The following CD6 variants were observed in gnomAD, a reference collection of about 807,000 sequenced individuals.
CD6 encodes the protein CD6 molecule, also known as T-cell differentiation antigen CD6.
Under a neutral mutation model 75.3 loss-of-function variants are expected in CD6, and 53 were observed. That is an observed-to-expected ratio of 0.70 (90% CI 0.56 to 0.88). The LOEUF is 0.88. Ranked by LOEUF, CD6 falls within the 40% of genes least tolerant of loss-of-function variation. The pLI is 0.00. For synonymous variants in CD6, 359 were observed against 381.5 expected, an observed-to-expected ratio of 0.94 and a Z score of 0.69; for missense variants, 770 against 897.1, an observed-to-expected ratio of 0.86 and a Z score of 1.81.
chr11:60,974,633 G>C (rs1857301929), intron 1 of CD6, among the ~76,000 whole-genome samples: 1 of 152,192 alleles, frequency 6.6e-6, no homozygotes, highest in African/African-American at 2.4e-5. Flanking sequence ...CTTGGTTTGT[G>C]TTGCTGATTT....
At chr11:60,983,661 C>T (rs1270997496) in intron 1 of CD6, among the ~76,000 whole-genome samples, 1 of 150,768 alleles carries the variant, frequency 6.6e-6, no homozygotes, top group African/African-American at 2.4e-5. Context: ...CGGACATTTT[C>T]TTACATAACC....
chr11:60,974,302 G>A (rs1030976965), intron 1 of CD6, among the ~76,000 whole-genome samples: 22 of 152,102 alleles, frequency 1.4e-4, no homozygotes, highest in African/African-American at 5.1e-4. Flanking sequence ...TGCTGTGCTC[G>A]GGCAGACCTC....
At chr11:60,997,154 T>C (rs1447725238) in intron 1 of CD6, among the ~76,000 whole-genome samples, 1 of 152,102 alleles carries the variant, frequency 6.6e-6, no homozygotes, top group East Asian at 1.9e-4. Context: ...AGCAGGTGGA[T>C]CACCTGAGGT....
Position 61,020,342 on chromosome 11 carries a change from G to A in CD6, c.*1024G>A, listed in dbSNP as rs928090655. 9 of 398,882 alleles carry A rather than the reference G, an allele frequency of 2.3e-5. No homozygotes were observed. 24.7% of individuals were successfully genotyped at this position (398,882 alleles called of 1,614,324 possible). On this transcript the variant is annotated 3_prime_UTR_variant, in exon 13 of 13. Coordinates refer to ENST00000313421, the MANE Select transcript of CD6 (RefSeq NM_006725.5). ...AGACCAGGCTTTGTTGTCCTGCTCT[G>A]AGTATCCTGAGATTAAACTGAATTG... is the stretch of plus-strand genomic sequence containing the variant.
intron 4 of CD6, 82 bp from the exon 5 acceptor site, chr11:61,009,490 C>T: frequency 1.6e-6 from 2 of 1,262,902 alleles, no homozygotes; most frequent in Non-Finnish European, 2.1e-6. Flanking sequence ...TGCATTGGTG[C>T]CTGCACTGGT....
intron 1 of CD6, among the ~76,000 whole-genome samples, chr11:60,976,082 G>A (rs1423016003): frequency 1.3e-5 from 2 of 152,116 alleles, no homozygotes; most frequent in Non-Finnish European, 2.9e-5. Context: ...GATATATTAC[G>A]TAGTGGTGAA....
chr11:61,019,601 G>A lies in CD6; in HGVS notation c.*283G>A, dbSNP rs1490998661. 2.7e-6 allele frequency: 1 copy of A among 366,780 alleles called. No individual in the cohort carries two copies. 22.7% of individuals were successfully genotyped at this position (366,780 alleles called of 1,614,324 possible). On this transcript the variant is annotated 3_prime_UTR_variant, in exon 13 of 13. Coordinates refer to ENST00000313421, the MANE Select transcript of CD6 (RefSeq NM_006725.5). ...TCTCGGGGATGAACAAGCAGAGTCTGGGCTACCTCTTGACAGCTGGTGGAG... is the reference window on the plus strand; with the variant it reads ...TCTCGGGGATGAACAAGCAGAGTCTAGGCTACCTCTTGACAGCTGGTGGAG...
At chr11:60,982,357 A>G (rs1042472725) in intron 1 of CD6, among the ~76,000 whole-genome samples, 3 of 152,210 alleles carry the variant, frequency 2.0e-5, no homozygotes, top group African/African-American at 7.2e-5. Context: ...GACAGACTGA[A>G]GCCCAAGAGC....
At chr11:61,001,543 G>T (rs1858587498) in intron 1 of CD6, among the ~76,000 whole-genome samples, 1 of 152,102 alleles carries the variant, frequency 6.6e-6, no homozygotes, top group African/African-American at 2.4e-5. Flanking sequence ...TTTATTTTTA[G>T]TATGCTTGTT....
intron 1 of CD6, among the ~76,000 whole-genome samples, chr11:60,979,214 C>G (rs1424183159): frequency 1.3e-5 from 2 of 152,204 alleles, no homozygotes; most frequent in African/African-American, 4.8e-5. Context: ...ATGCAAACTC[C>G]TAGCCTTGCA....
intron 1 of CD6, among the ~76,000 whole-genome samples, chr11:61,003,614 G>T (rs1331625041): frequency 1.3e-5 from 2 of 152,130 alleles, no homozygotes; most frequent in Non-Finnish European, 2.9e-5. Context: ...AGCGCCTGTA[G>T]TCCTAGCTAC....
intron 1 of CD6, among the ~76,000 whole-genome samples, chr11:61,000,291 T>C (rs527998958): frequency 6.8e-6 from 1 of 147,980 alleles, no homozygotes; most frequent in Non-Finnish European, 1.5e-5. Context: ...TGTTGGCATC[T>C]GTGTTTGCAA....
At position 61,007,369 on chromosome 11, in the gene CD6, G is replaced by A. The variant is rs921171614; in HGVS notation, c.119-191G>A. On this transcript the variant is annotated intron_variant, in intron 2 of 12. Coordinates refer to ENST00000313421, the MANE Select transcript of CD6 (RefSeq NM_006725.5). The surrounding 1 kb of genome is among the most constrained non-coding windows in gnomAD (Gnocchi z 4.2). Reference sequence around the variant, plus strand: ...AGCCCCACCTTCGGCTGACTCTAAGGAGAACCACAGGGTCAGGCCTCAAGG... The same window carrying A: ...AGCCCCACCTTCGGCTGACTCTAAGAAGAACCACAGGGTCAGGCCTCAAGG... Among the ~76,000 whole-genome samples the A allele has an allele frequency of 4.6e-5, 7 of 152,212 alleles. No homozygotes were observed. Among genetic ancestry groups the A allele is most frequent in the South Asian group, 2.1e-4 (1 of 4,830 alleles).
intron 1 of CD6, among the ~76,000 whole-genome samples, chr11:61,001,928 G>A (rs1858605319): frequency 6.6e-6 from 1 of 152,190 alleles, no homozygotes; most frequent in South Asian, 2.1e-4. Context: ...GGCCCTGCTT[G>A]GCCCCTTCCC....
chr11:60,976,400 C>T (rs973660496), intron 1 of CD6, among the ~76,000 whole-genome samples: 3 of 152,188 alleles, frequency 2.0e-5, no homozygotes, highest in African/African-American at 7.2e-5. Flanking sequence ...TACCTGCTCA[C>T]ATTCATGAGG....
intron 1 of CD6, among the ~76,000 whole-genome samples, chr11:60,973,367 G>T (rs575563786): frequency 3.4e-4 from 52 of 152,298 alleles, no homozygotes; most frequent in African/African-American, 1.3e-3. Flanking sequence ...AAGTTCCTTC[G>T]ATTCAGTCTG....
At position 61,007,204 on chromosome 11, in the gene CD6, G is replaced by A. The variant is rs1016609773; in HGVS notation, c.119-356G>A. ...CCTTCAGGGGAAGCATGCGCCCACT[G>A]GACCAGGGCCCCTGAACTCACAACT... On this transcript the variant is annotated intron_variant, in intron 2 of 12. Coordinates refer to ENST00000313421, the MANE Select transcript of CD6 (RefSeq NM_006725.5). The surrounding 1 kb of genome is among the most constrained non-coding windows in gnomAD (Gnocchi z 4.2). 2.6e-5 allele frequency among the ~76,000 whole-genome samples: 4 copies of A among 152,106 alleles called. No homozygotes were observed. Among genetic ancestry groups the A allele is most frequent in the Non-Finnish European group, 2.9e-5 (2 of 68,018 alleles).
chr11:60,989,996 A>G (rs942987475), intron 1 of CD6, among the ~76,000 whole-genome samples: 2 of 152,150 alleles, frequency 1.3e-5, no homozygotes, highest in Non-Finnish European at 2.9e-5. Flanking sequence ...ATATGCTTTT[A>G]TTTTAAAATT....
intron 1 of CD6, among the ~76,000 whole-genome samples, chr11:60,994,541 C>T (rs902600387): frequency 3.3e-5 from 5 of 149,660 alleles, no homozygotes; most frequent in Non-Finnish European, 7.4e-5. Flanking sequence ...AACTTCCATC[C>T]GTCTCTGTCA....
Sources: gnomAD v4.1 joint callset for allele counts (sites outside exome capture counted in the v4.1 genomes callset) on GRCh38, gnomAD v4.1.1 for gene constraint, Gnocchi (gnomAD v3.1) non-coding constraint, MANE v1.5 for transcripts, NCBI Gene and HGNC (gene_info 2026-07-23, HGNC 2026-07-21) for gene names.